TBC1D32: variants seen among roughly 807,000 people sequenced by gnomAD.
The protein encoded by TBC1D32 is TBC1 domain family member 32.
TBC1D32 carries 151 observed loss-of-function variants against 170.3 expected under a neutral mutation model. The observed-to-expected ratio is 0.89, with a 90% CI of 0.78 to 1.01. TBC1D32 has a LOEUF of 1.01. TBC1D32 is among the 50% of genes least tolerant of loss of function. The pLI, the probability that TBC1D32 is intolerant of heterozygous loss-of-function variation, is 0.00. For missense variants in TBC1D32, 1,464 were observed against 1,457.1 expected (o/e 1.00, Z -0.08); for synonymous variants, 498 against 488.0 (o/e 1.02, Z -0.27).
chr6:121,313,149 T>C (rs1379976398), intron 3 of TBC1D32, among the ~76,000 whole-genome samples: 1 of 139,346 alleles, frequency 7.2e-6, no homozygotes, highest in Admixed American at 8.4e-5. Context: ...TGTGTGTGTG[T>C]GTGTGTGTGT....
chr6:121,329,973 TAGA>T (rs1402152223), intron 1 of TBC1D32, among the ~76,000 whole-genome samples: 16 of 152,206 alleles, frequency 1.1e-4, no homozygotes, highest in Admixed American at 5.9e-4. Flanking sequence ...TCATTAATTA[TAGA>T]AGGACACATA....
chr6:121,121,844 C>T (rs2128207631), intron 26 of TBC1D32, among the ~76,000 whole-genome samples: 1 of 151,834 alleles, frequency 6.6e-6, no homozygotes, highest in Admixed American at 6.7e-5. Flanking sequence ...AAGAATTAGA[C>T]ACTAAGTCAG....
At chr6:121,189,542 C>T (rs148836146) in intron 22 of TBC1D32, among the ~76,000 whole-genome samples, 54 of 151,240 alleles carry the variant, frequency 3.6e-4, no homozygotes, top group African/African-American at 1.2e-3. Context: ...AATGTAAATA[C>T]ACTAATTAAG....
At chr6:121,314,153 C>T (rs1025998275) in intron 3 of TBC1D32, among the ~76,000 whole-genome samples, 8 of 152,154 alleles carry the variant, frequency 5.3e-5, no homozygotes, top group Admixed American at 2.0e-4. Flanking sequence ...CTAGAGGCTG[C>T]CCTCATTCCT....
Position 121,325,654 on chromosome 6 carries a change from C to T in TBC1D32, c.156-3860G>A, listed in dbSNP as rs182818961. On this transcript the variant is annotated intron_variant, in intron 1 of 31. Transcript: ENST00000398212. ...TGAATTGAAGACTTAAACGTAAGACCTAAAACCATAAAAACCCTAGAAGAA... is the reference window on the plus strand; with the variant it reads ...TGAATTGAAGACTTAAACGTAAGACTTAAAACCATAAAAACCCTAGAAGAA... Among the ~76,000 whole-genome samples the T allele has an allele frequency of 2.9e-3, 438 of 152,234 alleles. 1 individual carries two copies. The highest frequency in any genetic ancestry group is 9.7e-3 in the African/African-American group (403 of 41,542).
chr6:121,224,183 C>A (rs1255750171), intron 20 of TBC1D32, among the ~76,000 whole-genome samples: 1 of 152,132 alleles, frequency 6.6e-6, no homozygotes, highest in Non-Finnish European at 1.5e-5. Flanking sequence ...CCTATACATA[C>A]TTTTTTATCC....
intron 4 of TBC1D32, among the ~76,000 whole-genome samples, chr6:121,309,571 C>A (rs543731664): frequency 6.6e-6 from 1 of 151,662 alleles, no homozygotes; most frequent in Non-Finnish European, 1.5e-5. Flanking sequence ...TGGCAAGATA[C>A]GCATACCAAT....
chr6:121,160,892 C>G, intron 23 of TBC1D32, 56 bp downstream of exon 23: 1 of 1,415,666 alleles, frequency 7.1e-7, no homozygotes, highest in African/African-American at 1.4e-5. Context: ...AGTTGGCTAT[C>G]TTGCTTCAAA....
At chr6:121,272,340 CTT>C (rs1256159000) in intron 15 of TBC1D32, among the ~76,000 whole-genome samples, 1 of 151,852 alleles carries the variant, frequency 6.6e-6, no homozygotes, top group Non-Finnish European at 1.5e-5. Context: ...AAGGGAGAAA[CTT>C]TTTACAATCT....
At chr6:121,100,737 A>G (rs1437029343) in intron 30 of TBC1D32, among the ~76,000 whole-genome samples, 1 of 152,178 alleles carries the variant, frequency 6.6e-6, no homozygotes, top group East Asian at 1.9e-4. Flanking sequence ...AACGAAGATC[A>G]GAGCAGACCT....
At chr6:121,175,403 C>T (rs868303691) in intron 22 of TBC1D32, among the ~76,000 whole-genome samples, 4 of 152,202 alleles carry the variant, frequency 2.6e-5, no homozygotes, top group South Asian at 2.1e-4. Flanking sequence ...TAACAAATGA[C>T]GTAAGACTTT....
intron 3 of TBC1D32, among the ~76,000 whole-genome samples, chr6:121,311,286 T>C (rs1808156356): frequency 6.6e-6 from 1 of 152,140 alleles, no homozygotes; most frequent in African/African-American, 2.4e-5. Flanking sequence ...TCTCCATAGT[T>C]CTTTGGTGAA....
chr6:121,085,785 A>T (rs1464962638), intron 31 of TBC1D32, among the ~76,000 whole-genome samples: 1 of 152,046 alleles, frequency 6.6e-6, no homozygotes, highest in Non-Finnish European at 1.5e-5. Flanking sequence ...GATTCAGGAC[A>T]TAGTATGTGG....
intron 3 of TBC1D32, among the ~76,000 whole-genome samples, chr6:121,316,685 T>G (rs899793848): frequency 5.3e-5 from 8 of 152,164 alleles, no homozygotes; most frequent in African/African-American, 1.9e-4. Context: ...CAATTTTCCT[T>G]CAATCATGCA....
chr6:121,197,970 G>C (rs1392621635), intron 22 of TBC1D32, among the ~76,000 whole-genome samples: 1 of 151,786 alleles, frequency 6.6e-6, no homozygotes, highest in Admixed American at 6.6e-5. Flanking sequence ...GAAAAGGTGA[G>C]ACTGGCCTAG....
intron 30 of TBC1D32, among the ~76,000 whole-genome samples, chr6:121,093,501 G>A (rs553470165): frequency 3.9e-5 from 6 of 152,118 alleles, no homozygotes; most frequent in Admixed American, 2.0e-4. Context: ...GAAACAATTC[G>A]AGAATGAAAA....
chr6:121,272,522 C>T lies in TBC1D32; in HGVS notation c.1733+6599G>A, dbSNP rs190043592. On this transcript the variant is annotated intron_variant, in intron 15 of 31. Coordinates refer to ENST00000398212, the MANE Select transcript of TBC1D32 (RefSeq NM_152730.6). ...CACATGAAAAAATGCTCATCATCAC[C>T]GGCCATCAGAGAAATGCAAATCAAA... is the stretch of plus-strand genomic sequence containing the variant. Among the ~76,000 whole-genome samples the T allele has an allele frequency of 4.3e-3, 660 of 152,126 alleles. 2 individuals carry two copies. Among genetic ancestry groups the T allele is most frequent in the Middle Eastern group, 6.8e-3 (2 of 294 alleles).
At chr6:121,170,500 C>G in intron 22 of TBC1D32, 2 of 1,600,798 alleles carry the variant, frequency 1.2e-6, no homozygotes, top group Admixed American at 1.7e-5. Context: ...GAAGAGTGTC[C>G]AGATCACAGC....
intron 12 of TBC1D32, among the ~76,000 whole-genome samples, chr6:121,288,974 C>G (rs1166416347): frequency 6.6e-6 from 1 of 152,128 alleles, no homozygotes; most frequent in Non-Finnish European, 1.5e-5. Flanking sequence ...TAAAAACTCT[C>G]AATAAATTAG....
Sources: gnomAD v4.1 joint callset for allele counts (sites outside exome capture counted in the v4.1 genomes callset) on GRCh38, gnomAD v4.1.1 for gene constraint, MANE v1.5 for transcripts, NCBI Gene and HGNC (gene_info 2026-07-23, HGNC 2026-07-21) for gene names.